Variants in NPHP4 observed in about 807,000 individuals in gnomAD.
NPHP4 encodes nephrocystin 4, also known as nephrocystin-4.
A neutral mutation model predicts 155.8 loss-of-function variants in NPHP4; 151 were observed. That is an observed-to-expected ratio of 0.97 (90% CI 0.85 to 1.11). NPHP4 has a LOEUF of 1.11. Among genes scored for constraint, NPHP4 ranks in the 50% least tolerant of loss-of-function variants. The probability of loss-of-function intolerance (pLI) is 0.00; values close to 1 mark genes in which losing one functional copy is unlikely to be tolerated. For synonymous variants in NPHP4, 845 were observed against 816.8 expected (o/e 1.03, Z -0.59); for missense variants, 1,956 against 1,925.7 (o/e 1.02, Z -0.29).
rs1351031140 is a variant in NPHP4 at position 5,863,114 on chromosome 1, C to T, written c.*151G>A. 6 of 771,356 alleles carry T rather than the reference C, an allele frequency of 7.8e-6. No homozygotes were observed. Among genetic ancestry groups the T allele is most frequent in the African/African-American group, 1.7e-5 (1 of 58,690 alleles). The allele number at this position is 771,356 out of a possible 1,614,324, so 47.8% of individuals were successfully genotyped here. A position where few individuals can be genotyped will look rare whatever the true frequency, so the allele number is the denominator to read the frequency against. ...CAGGTACTACAAAATGACCAGCGCTCGGTCTCTGCTTCCTCAGCCAAGTGC... is the reference window on the plus strand; with the variant it reads ...CAGGTACTACAAAATGACCAGCGCTTGGTCTCTGCTTCCTCAGCCAAGTGC... On this transcript the variant is annotated 3_prime_UTR_variant, in exon 30 of 30. Coordinates refer to ENST00000378156, the MANE Select transcript of NPHP4 (RefSeq NM_015102.5).
At chr1:5,927,560 A>G in intron 11 of NPHP4, 89 bp downstream of exon 11, 1 of 1,324,688 alleles carries the variant, frequency 7.5e-7, no homozygotes, top group Admixed American at 2.2e-5. Flanking sequence ...TGTGGTGATT[A>G]CCGTACTAGA....
At position 5,969,090 on chromosome 1, in the gene NPHP4, T is replaced by G. The variant is rs907436084; in HGVS notation, c.449A>C (p.Lys150Thr). Residue 150 changes from lysine to threonine, a missense_variant, in exon 4 of 30, where the codon AAA (lysine) becomes ACA (threonine). Physicochemically the swap from Lys to Thr is moderately conservative, Grantham distance 78. Coordinates refer to ENST00000378156, the MANE Select transcript of NPHP4 (RefSeq NM_015102.5). ...PDSPISASQD[K>T]RLRLYHGTPR... ...GTTGTAGAAACAAGGCAGGTACCTT[T>G]TGTCCTGGGAAGCAGAGATAGGAGA... 1 of 1,547,890 alleles carries G rather than the reference T, an allele frequency of 6.5e-7. No homozygotes were observed. The highest frequency in any genetic ancestry group is 1.2e-5 in the South Asian group (1 of 83,922).
intron 12 of NPHP4, among the ~76,000 whole-genome samples, chr1:5,908,517 T>G (rs1458490021): frequency 1.3e-5 from 2 of 152,204 alleles, no homozygotes; most frequent in African/African-American, 4.8e-5. Context: ...AGGCCAGCCT[T>G]GGAGCCACAG....
At chr1:5,879,977 G>A in intron 19 of NPHP4, 137 bp downstream of exon 19, 1 of 1,022,444 alleles carries the variant, frequency 9.8e-7, no homozygotes, top group Admixed American at 2.2e-5. Flanking sequence ...TAGACGCAGA[G>A]GGGCACTGAC....
chr1:5,875,115 A>G lies in NPHP4; in HGVS notation c.2818-15T>C. The G allele has an allele frequency of 1.3e-6, 2 of 1,572,120 alleles. No homozygotes were observed. Among genetic ancestry groups the G allele is most frequent in the Admixed American group, 3.5e-5 (2 of 56,660 alleles). On this transcript the variant is annotated splice_polypyrimidine_tract_variant and intron_variant, in intron 20 of 29. Transcript: ENST00000378156. The stretch of plus-strand genomic sequence containing the variant: ...CTCTGCTGCGCCTGCAGACAAGAGG[A>G]CATGGGTGGACAGGGTCCCAGGCAC...
rs140899058 is a variant in NPHP4, at chr1:5,944,671, G to A, written c.1119+2433C>T. ...CCCAGTTACAATCGACCAGCACATC[G>A]GAAAGTACCAATGACTGGCCGGGCG... On this transcript the variant is annotated intron_variant, in intron 9 of 29. Transcript: ENST00000378156. This position sits in a 1 kb window ranked among gnomAD's most constrained non-coding sequence, Gnocchi z 4.3. Among the ~76,000 whole-genome samples the A allele has an allele frequency of 5.7e-3, 871 of 152,324 alleles. 10 individuals carry two copies. The highest frequency in any genetic ancestry group is 0.019 in the African/African-American group (773 of 41,566).
chr1:5,896,708 A>G (rs2101008933), intron 16 of NPHP4, among the ~76,000 whole-genome samples: 1 of 152,346 alleles, frequency 6.6e-6, no homozygotes, highest in East Asian at 1.9e-4. Context: ...AAGAAGACCC[A>G]GAATCAAAGC....
intron 6 of NPHP4, among the ~76,000 whole-genome samples, chr1:5,955,002 T>C (rs1354969256): frequency 6.7e-6 from 1 of 148,998 alleles, no homozygotes. Context: ...ATATCCAGAA[T>C]ACATAAGGAA....
chr1:5,873,949 CCTCCTGCACACACACCTCACATATCG>C, intron 22 of NPHP4: 2 of 217,390 alleles, frequency 9.2e-6, no homozygotes, highest in Non-Finnish European at 1.8e-5. Flanking sequence ...TGCATACATG[CCTCCTGCACACACACCTCACATATCG>C]CCCCTGCACA....
intron 6 of NPHP4, among the ~76,000 whole-genome samples, chr1:5,958,431 A>C (rs1228914671): frequency 6.6e-6 from 1 of 152,200 alleles, no homozygotes; most frequent in Non-Finnish European, 1.5e-5. Context: ...GCCATGGCTC[A>C]CACCTGTAAT....
rs1219594986 is a variant in NPHP4, at chr1:5,915,201, C to CAGGCCTT, written c.1442-5995_1442-5989dup. 3.9e-5 allele frequency among the ~76,000 whole-genome samples: 6 copies of CAGGCCTT among 151,908 alleles called. No individual in the cohort carries two copies. In the South Asian group the frequency reaches 8.3e-4, roughly 21 times the overall value. On this transcript the variant is annotated intron_variant, in intron 11 of 29. Transcript: ENST00000378156. ...CAGCTGGTGGAAGGCAGGGACGGGCCAGGCCTTGGGCCTTGGGCCTTGGGC... is the reference window on the plus strand; with the variant it reads ...CAGCTGGTGGAAGGCAGGGACGGGCCAGGCCTTAGGCCTTGGGCCTTGGGCCTTGGGC...
rs1326795528 is a variant in NPHP4 at position 5,952,942 on chromosome 1, C to G, written c.674-106G>C. The stretch of plus-strand genomic sequence containing the variant: ...CAGCCTCAGCCGGGGCCTGCAGCAA[C>G]GAAGGGTGCTCGGGACTCCCAGACA... On this transcript the variant is annotated intron_variant, in intron 6 of 29. Transcript: ENST00000378156. 14 of 1,054,832 alleles carry G rather than the reference C, an allele frequency of 1.3e-5. No homozygotes were observed. The East Asian group carries it at 3.5e-4, about 27-fold the overall frequency. The allele number at this position is 1,054,832 out of a possible 1,614,324, so 65.3% of individuals were successfully genotyped here.
At chr1:5,988,616 A>G (rs893370696) in intron 1 of NPHP4, among the ~76,000 whole-genome samples, 2 of 152,244 alleles carry the variant, frequency 1.3e-5, no homozygotes, top group African/African-American at 4.8e-5. Flanking sequence ...GGGGTCCTCA[A>G]TAATCTTTTA....
chr1:5,941,289 C>CAAAAAAAAAAAAAAAAAAAA (rs66676950), intron 9 of NPHP4, among the ~76,000 whole-genome samples: 86 of 44,664 alleles, frequency 1.9e-3, no homozygotes, highest in South Asian at 6.0e-3. Context: ...GAGATCTAGA[C>CAAAAAAAAAAAAAAAAAAAA]AAAAAAAAAA....
At chr1:5,955,578 G>A (rs1483839191) in intron 6 of NPHP4, among the ~76,000 whole-genome samples, 2 of 152,244 alleles carry the variant, frequency 1.3e-5, no homozygotes, top group Admixed American at 6.5e-5. Context: ...AAGTCCTGTC[G>A]CTTGCGACAA....
At position 5,910,754 on chromosome 1, in the gene NPHP4, C is replaced by A. The variant is rs530857932; in HGVS notation, c.1442-1541G>T. Among the ~76,000 whole-genome samples the A allele has an allele frequency of 6.6e-6, 1 of 152,222 alleles. No individual in the cohort carries two copies. Among genetic ancestry groups the A allele is most frequent in the Non-Finnish European group, 1.5e-5 (1 of 68,038 alleles). On this transcript the variant is annotated intron_variant, in intron 11 of 29. Transcript: ENST00000378156. The surrounding 1 kb of genome is among the most constrained non-coding windows in gnomAD (Gnocchi z 5.4). ...GTGCCGCCCTAACACCAGAGCTGCA[C>A]GACCATCGGAGCCAATCCCCGCCGT...
chr1:5,980,304 G>T (rs960010993), intron 2 of NPHP4, among the ~76,000 whole-genome samples: 2 of 152,198 alleles, frequency 1.3e-5, no homozygotes, highest in African/African-American at 4.8e-5. Flanking sequence ...CTCCTGATCC[G>T]CTGGCCTCAC....
intron 1 of NPHP4, among the ~76,000 whole-genome samples, chr1:5,988,143 C>T (rs973950837): frequency 1.3e-5 from 2 of 152,228 alleles, no homozygotes; most frequent in South Asian, 2.1e-4. Flanking sequence ...GCAAGACAGA[C>T]CAAAGGAGTT....
At position 5,905,689 on chromosome 1, in the gene NPHP4, T is replaced by C. The variant is rs1557700798; in HGVS notation, c.1706A>G (p.Gln569Arg). Residue 569 changes from glutamine to arginine, a missense_variant, in exon 14 of 30, where the codon CAG becomes CGG. Transcript: ENST00000378156. The surrounding 1 kb of genome is among the most constrained non-coding windows in gnomAD (Gnocchi z 4.0). ...ATGCAAAGGCGTGAACGGCAGCTCCTGTAACTGTTCGGCAATGGATGTTTC... is the reference window on the plus strand; with the variant it reads ...ATGCAAAGGCGTGAACGGCAGCTCCCGTAACTGTTCGGCAATGGATGTTTC... ...VLETSIAEQL[Q>R]ELPFTPLHAP... The C allele has an allele frequency of 1.9e-6, 3 of 1,613,906 alleles. No individual in the cohort carries two copies. Among genetic ancestry groups the C allele is most frequent in the Non-Finnish European group, 2.5e-6 (3 of 1,179,842 alleles).
Sources: allele counts gnomAD v4.1 joint callset (sites outside exome capture counted in the v4.1 genomes callset), GRCh38; gene constraint gnomAD v4.1.1; non-coding constraint Gnocchi (gnomAD v3.1); transcripts MANE v1.5; gene names NCBI Gene and HGNC (gene_info 2026-07-23, HGNC 2026-07-21).